Variants in DIAPH2 observed in about 807,000 individuals in gnomAD.
The protein encoded by DIAPH2 is diaphanous related formin 2, also known as protein diaphanous homolog 2.
A neutral mutation model predicts 92.7 loss-of-function variants in DIAPH2; 35 were observed. That is an observed-to-expected ratio of 0.38 (90% CI 0.29 to 0.50). The LOEUF is 0.50. DIAPH2 is among the 20% of genes least tolerant of loss of function. The pLI, the probability that DIAPH2 is intolerant of heterozygous loss-of-function variation, is 0.94. For missense variants in DIAPH2, 701 were observed against 819.5 expected (o/e 0.86, Z 1.77); for synonymous variants, 301 against 280.4 (o/e 1.07, Z -0.73).
chrX:96,867,657 C>G (rs2065114019), intron 4 of DIAPH2, among the ~76,000 whole-genome samples: 1 of 111,905 alleles, frequency 8.9e-6, no homozygotes, highest in South Asian at 3.7e-4. Context: ...ATAACCTATA[C>G]ATGCATCACT....
At chrX:97,152,501 T>A (rs982295479) in intron 22 of DIAPH2, among the ~76,000 whole-genome samples, 6 of 111,460 alleles carry the variant, frequency 5.4e-5, no homozygotes, top group South Asian at 7.5e-4. Context: ...AAGAAAAAAA[T>A]TTATTTCTTA....
chrX:97,165,264 G>T (rs1256580116), intron 22 of DIAPH2, among the ~76,000 whole-genome samples: 1 of 111,684 alleles, frequency 9.0e-6, no homozygotes, highest in Non-Finnish European at 1.9e-5. Flanking sequence ...TAGCTTCTCT[G>T]AAGAGTGGCC....
intron 22 of DIAPH2, among the ~76,000 whole-genome samples, chrX:97,237,680 C>A (rs190549321): frequency 7.3e-5 from 8 of 110,157 alleles, no homozygotes; most frequent in Non-Finnish European, 1.3e-4. Flanking sequence ...CTCCCGGGTT[C>A]GCGCCATTCT....
At chrX:96,918,277 A>C (rs1355145224) in intron 8 of DIAPH2, among the ~76,000 whole-genome samples, 2 of 111,472 alleles carry the variant, frequency 1.8e-5, no homozygotes, top group Non-Finnish European at 3.8e-5. Context: ...AAAAAAATGT[A>C]AGTAGGCGAG....
In DIAPH2 at chrX:97,334,998, C is replaced by CAAAAAAAAAAAAAAAAAAAAAAA. The variant is rs746536131; in HGVS notation, c.2845-13100_2845-13099insAAAAAAAAAAAAAAAAAAAAAAA. 8.3e-4 allele frequency among the ~76,000 whole-genome samples: 26 copies of CAAAAAAAAAAAAAAAAAAAAAAA among 31,455 alleles called. 1 individual carries two copies. Among genetic ancestry groups the CAAAAAAAAAAAAAAAAAAAAAAA allele is most frequent in the Non-Finnish European group, 1.2e-3 (19 of 16,400 alleles). The allele number at this position is 31,455 out of a possible 115,157, so 27.3% of individuals were successfully genotyped here. ...TTCGTCTCAAAAAACAAAAACAAAA[C>CAAAAAAAAAAAAAAAAAAAAAAA]AAAAAAAAAAAAAAAAAAGAGGAAG... On this transcript the variant is annotated intron_variant, in intron 23 of 26. Transcript: ENST00000324765.
intron 26 of DIAPH2, among the ~76,000 whole-genome samples, chrX:97,566,509 C>T (rs771895277): frequency 1.7e-4 from 19 of 111,743 alleles, no homozygotes; most frequent in Non-Finnish European, 2.6e-4. Context: ...CTGTGAGTTG[C>T]AGCCCTTGTC....
At chrX:97,334,849 C>G (rs2069038795) in intron 23 of DIAPH2, among the ~76,000 whole-genome samples, 1 of 107,447 alleles carries the variant, frequency 9.3e-6, no homozygotes, top group Non-Finnish European at 1.9e-5. Flanking sequence ...GGTGTGGTGG[C>G]AGGCGCCTGT....
chrX:97,127,157 C>T (rs765639682), intron 21 of DIAPH2, among the ~76,000 whole-genome samples: 2 of 104,424 alleles, frequency 1.9e-5, no homozygotes, highest in Non-Finnish European at 3.8e-5. Flanking sequence ...TAATTAGTCA[C>T]AAAAGTCAAA....
At chrX:96,952,293 T>G (rs2065780557) in intron 15 of DIAPH2, among the ~76,000 whole-genome samples, 1 of 111,952 alleles carries the variant, frequency 8.9e-6, no homozygotes, top group South Asian at 3.7e-4. Flanking sequence ...TACATTAACA[T>G]TCATCTATGT....
chrX:97,165,087 G>A (rs192967485), intron 22 of DIAPH2, among the ~76,000 whole-genome samples: 70 of 112,530 alleles, frequency 6.2e-4, no homozygotes, highest in African/African-American at 2.2e-3. Flanking sequence ...TGATCAAAGT[G>A]GATGTGATCA....
chrX:97,293,931 A>C (rs1412221262), intron 23 of DIAPH2, among the ~76,000 whole-genome samples: 1 of 112,109 alleles, frequency 8.9e-6, no homozygotes, highest in Non-Finnish European at 1.9e-5. Flanking sequence ...TTATGATATT[A>C]ATATGTTCGA....
At chrX:97,310,400 T>G (rs1290095766) in intron 23 of DIAPH2, among the ~76,000 whole-genome samples, 1 of 111,784 alleles carries the variant, frequency 8.9e-6, no homozygotes, top group East Asian at 2.8e-4. Flanking sequence ...ATAAATGCCA[T>G]AGGGTATAAA....
At chrX:96,751,987 A>AT (rs1232043707) in intron 3 of DIAPH2, among the ~76,000 whole-genome samples, 1 of 111,223 alleles carries the variant, frequency 9.0e-6, no homozygotes, top group Non-Finnish European at 1.9e-5. Flanking sequence ...AAAATACTAC[A>AT]TTTTTTCTCA....
At chrX:97,247,922 TTTA>T in intron 23 of DIAPH2, 83 bp downstream of exon 23, 1 of 867,042 alleles carries the variant, frequency 1.2e-6, no homozygotes, top group Non-Finnish European at 1.6e-6. Flanking sequence ...TAGTTCTAGA[TTTA>T]CTAGTCTTTT....
At position 96,781,708 on chromosome X, in the gene DIAPH2, T is replaced by TTA. The variant is rs201859230; in HGVS notation, c.447+23463_447+23464dup. Among the ~76,000 whole-genome samples, 59 of 109,644 alleles carry TTA rather than the reference T, an allele frequency of 5.4e-4. No homozygotes were observed. In the South Asian group the frequency reaches 6.8e-3, roughly 13 times the overall value. ...TATTACATAAATAAAAAGAAAAAGTTTATATATATATATAAGTATTTTATG... is the reference window on the plus strand; with the variant it reads ...TATTACATAAATAAAAAGAAAAAGTTTATATATATATATATAAGTATTTTATG... On this transcript the variant is annotated intron_variant, in intron 4 of 26. Transcript: ENST00000324765.
intron 4 of DIAPH2, among the ~76,000 whole-genome samples, chrX:96,809,860 TG>T (rs1256405580): frequency 8.9e-6 from 1 of 112,424 alleles, no homozygotes; most frequent in Non-Finnish European, 1.9e-5. Flanking sequence ...TCATTTTTTA[TG>T]GCTGCATAGT....
chrX:97,376,556 C>A (rs2069502610), intron 24 of DIAPH2, among the ~76,000 whole-genome samples: 1 of 112,113 alleles, frequency 8.9e-6, no homozygotes, highest in Non-Finnish European at 1.9e-5. Context: ...CTTTGTATTG[C>A]CCAAATGTGG....
At chrX:97,441,345 TA>T (rs34957138) in intron 26 of DIAPH2, among the ~76,000 whole-genome samples, 17 of 102,248 alleles carry the variant, frequency 1.7e-4, no homozygotes, top group Admixed American at 2.1e-4. Flanking sequence ...AACCTCTGTC[TA>T]AAAAAAAAAG....
At chrX:97,078,468 A>G (rs1341759994) in intron 19 of DIAPH2, among the ~76,000 whole-genome samples, 1 of 111,414 alleles carries the variant, frequency 9.0e-6, no homozygotes, top group East Asian at 2.8e-4. Flanking sequence ...TATAGGCAAC[A>G]GACCAAAGTA....
Sources: gnomAD v4.1 joint callset for allele counts (sites outside exome capture counted in the v4.1 genomes callset) on GRCh38, gnomAD v4.1.1 for gene constraint, MANE v1.5 for transcripts, NCBI Gene and HGNC (gene_info 2026-07-23, HGNC 2026-07-21) for gene names.